Variants in APP observed in about 807,000 individuals in gnomAD.
APP encodes the protein amyloid beta precursor protein.
A neutral mutation model predicts 101.4 loss-of-function variants in APP; 31 were observed. The observed-to-expected ratio is 0.31, with a 90% CI of 0.23 to 0.41. APP has a LOEUF of 0.41. APP is among the 10% of genes least tolerant of loss of function. APP has a pLI of 1.00. For missense variants in APP, 839 were observed against 1,003.7 expected (o/e 0.84, Z 2.22); for synonymous variants, 366 against 364.4 (o/e 1.00, Z -0.05).
At chr21:26,035,130 TA>T (rs375039608) in intron 5 of APP, among the ~76,000 whole-genome samples, 3,236 of 150,620 alleles carry the variant, frequency 0.021, 104 homozygotes, top group African/African-American at 0.075. Flanking sequence ...CACTAAAAAT[TA>T]AAAAAAAATT....
intron 15 of APP, among the ~76,000 whole-genome samples, chr21:25,903,324 G>A (rs1432753231): frequency 1.4e-5 from 2 of 146,424 alleles, no homozygotes; most frequent in East Asian, 2.0e-4. Context: ...AGTTGAGATC[G>A]TGCCACTCCA....
chr21:25,907,713 C>T (rs2038864729), intron 14 of APP, among the ~76,000 whole-genome samples: 1 of 152,144 alleles, frequency 6.6e-6, no homozygotes, highest in South Asian at 2.1e-4. Context: ...TGTAATAAAC[C>T]TCAACTATTA....
Position 26,112,125 on chromosome 21 carries a change from C to G in APP, c.79G>C (p.Gly27Arg). Reference sequence around the variant, plus strand: ...GCAATCTGGGGTTCAGCCAGCAGGCCAGCATTACCATCAGTGGGTACCTGA... The same window carrying G: ...GCAATCTGGGGTTCAGCCAGCAGGCGAGCATTACCATCAGTGGGTACCTGA... The part of the protein sequence containing the change: ...ALEVPTDGNA[G>R]LLAEPQIAMF... The change falls in exon 2 of 18, where the codon GGC (glycine) becomes CGC (arginine). Residue 27 changes from glycine to arginine, a missense_variant. Gly to Arg is a moderately radical substitution (Grantham distance 125). Coordinates refer to ENST00000346798, the MANE Select transcript of APP (RefSeq NM_000484.4). The G allele has an allele frequency of 6.2e-7, 1 of 1,614,000 alleles. No individual in the cohort carries two copies. Among genetic ancestry groups the G allele is most frequent in the East Asian group, 2.2e-5 (1 of 44,868 alleles).
chr21:25,990,308 T>C (rs1472132637), intron 8 of APP, among the ~76,000 whole-genome samples: 1 of 152,218 alleles, frequency 6.6e-6, no homozygotes, highest in Non-Finnish European at 1.5e-5. Flanking sequence ...GGGAATTTTT[T>C]CAAATATATG....
chr21:25,974,923 G>A, intron 11 of APP, 147 bp downstream of exon 11: 1 of 1,242,048 alleles, frequency 8.1e-7, no homozygotes, highest in South Asian at 1.3e-5. Flanking sequence ...TGACCTTCAA[G>A]ATGGAATGGA....
chr21:26,105,517 C>T (rs1278858182), intron 2 of APP, among the ~76,000 whole-genome samples: 3 of 150,130 alleles, frequency 2.0e-5, no homozygotes, highest in Non-Finnish European at 3.0e-5. Context: ...AAAATAAAAA[C>T]ATGAAGTTAA....
chr21:25,973,384 AAATGCACCACATTAATATTAATCAAAAG>A (rs1327168108), intron 11 of APP, among the ~76,000 whole-genome samples: 1 of 152,226 alleles, frequency 6.6e-6, no homozygotes. Context: ...AAGGATGGAA[AAATGCACCACATTAATATTAATCAAAAG>A]AAAGCTGGAA....
intron 3 of APP, among the ~76,000 whole-genome samples, chr21:26,057,135 T>G (rs2046074572): frequency 6.6e-6 from 1 of 152,198 alleles, no homozygotes; most frequent in East Asian, 1.9e-4. Context: ...AAAACAAAGT[T>G]TATTAATTTT....
At chr21:26,029,558 G>A (rs899314814) in intron 5 of APP, among the ~76,000 whole-genome samples, 2 of 152,072 alleles carry the variant, frequency 1.3e-5, no homozygotes, top group African/African-American at 4.8e-5. Flanking sequence ...AGGGGCCAAA[G>A]ATAGCTCTCC....
chr21:26,153,325 T>C (rs1030235777), intron 1 of APP, among the ~76,000 whole-genome samples: 1 of 152,318 alleles, frequency 6.6e-6, no homozygotes, highest in East Asian at 1.9e-4. Flanking sequence ...TTTTAAGCCC[T>C]AAACTTCAGT....
At chr21:26,058,664 C>T (rs968409972) in intron 3 of APP, among the ~76,000 whole-genome samples, 2 of 152,110 alleles carry the variant, frequency 1.3e-5, no homozygotes, top group Non-Finnish European at 2.9e-5. Context: ...GCCAGGATGG[C>T]GGCACCTGGG....
chr21:26,071,875 A>C (rs1030206952), intron 3 of APP, among the ~76,000 whole-genome samples: 1 of 152,226 alleles, frequency 6.6e-6, no homozygotes, highest in Admixed American at 6.5e-5. Context: ...TGTGTACTCA[A>C]GGTCACCCAC....
intron 1 of APP, chr21:26,169,380 C>A (rs1166066193): frequency 1.3e-5 from 2 of 152,668 alleles, no homozygotes; most frequent in East Asian, 3.8e-4. Flanking sequence ...CCTGTGCCCC[C>A]AGGGGAACTA....
intron 13 of APP, among the ~76,000 whole-genome samples, chr21:25,949,476 T>C (rs1327292503): frequency 1.3e-5 from 2 of 152,216 alleles, no homozygotes; most frequent in African/African-American, 4.8e-5. Flanking sequence ...AAATTTGTTT[T>C]GTGTGGTGCT....
intron 15 of APP, 83 bp from the exon 16 acceptor site, chr21:25,897,756 C>T: frequency 3.4e-6 from 4 of 1,186,018 alleles, no homozygotes; most frequent in African/African-American, 1.5e-5. Context: ...AAAGCCTACC[C>T]AAAACTTCTT....
intron 2 of APP, among the ~76,000 whole-genome samples, chr21:26,102,889 C>CAAAAAAAAAAAAAAAAAAAAAAAAAAAA: frequency 1.6e-5 from 1 of 63,090 alleles, no homozygotes; most frequent in South Asian, 8.2e-4. Context: ...GACTCTGTCT[C>CAAAAAAAAAAAAAAAAAAAAAAAAAAAA]AAAAAAAAAA....
At chr21:26,107,076 C>T (rs1052182894) in intron 2 of APP, among the ~76,000 whole-genome samples, 5 of 152,190 alleles carry the variant, frequency 3.3e-5, no homozygotes, top group African/African-American at 9.7e-5. Flanking sequence ...TCTGATTCTA[C>T]AGCATGTTCC....
At chr21:26,111,200 T>G (rs553753096) in intron 2 of APP, among the ~76,000 whole-genome samples, 30 of 148,106 alleles carry the variant, frequency 2.0e-4, no homozygotes, top group Middle Eastern at 3.5e-3. Flanking sequence ...TCAGGAACAA[T>G]GAAAATGTTT....
intron 2 of APP, 101 bp from the exon 3 acceptor site, chr21:26,090,173 C>A: frequency 1.3e-6 from 2 of 1,555,594 alleles, no homozygotes; most frequent in South Asian, 2.3e-5. Flanking sequence ...TGGAGTGTCC[C>A]TTATCCAAAA....
Sources: allele counts gnomAD v4.1 joint callset (sites outside exome capture counted in the v4.1 genomes callset), GRCh38; gene constraint gnomAD v4.1.1; transcripts MANE v1.5; gene names NCBI Gene and HGNC (gene_info 2026-07-23, HGNC 2026-07-21).